The following RADIL variants were observed in gnomAD, a reference collection of about 807,000 sequenced individuals.
RADIL encodes ras-associating and dilute domain-containing protein.
Under a neutral mutation model 97.6 loss-of-function variants are expected in RADIL, and 99 were observed. The observed-to-expected ratio is 1.01, with a 90% CI of 0.86 to 1.20. The LOEUF is 1.20. Among genes scored for constraint, RADIL ranks in the 50% most tolerant of loss-of-function variants. RADIL has a pLI of 0.00. For missense variants in RADIL, 1,765 were observed against 1,498.9 expected (o/e 1.18, Z -2.93); for synonymous variants, 803 against 691.8 (o/e 1.16, Z -2.52).
chr7:4,813,167 G>C lies in RADIL; in HGVS notation c.2139+2111C>G, dbSNP rs1269174061. Among the ~76,000 whole-genome samples the C allele has an allele frequency of 6.6e-6, 1 of 151,616 alleles. No homozygotes were observed. Among genetic ancestry groups the C allele is most frequent in the Non-Finnish European group, 1.5e-5 (1 of 67,914 alleles). On this transcript the variant is annotated intron_variant, in intron 9 of 14. Coordinates refer to ENST00000399583, the MANE Select transcript of RADIL (RefSeq NM_018059.5). The surrounding 1 kb of genome is among the most constrained non-coding windows in gnomAD (Gnocchi z 5.0). Reference sequence around the variant, plus strand: ...CTTCCTCTGTTGCCCAGGCTGGAGTGCAGTGGTGTGATCATGGCTCACTGA... The same window carrying C: ...CTTCCTCTGTTGCCCAGGCTGGAGTCCAGTGGTGTGATCATGGCTCACTGA...
intron 2 of RADIL, among the ~76,000 whole-genome samples, chr7:4,855,852 G>A (rs1783816510): frequency 6.6e-6 from 1 of 152,018 alleles, no homozygotes; most frequent in Non-Finnish European, 1.5e-5. Context: ...TTGGAGTGCA[G>A]TGGCCTGATC....
At chr7:4,809,657 T>TTTTATTTATTTA (rs35301644) in intron 9 of RADIL, 1 of 915,112 alleles carries the variant, frequency 1.1e-6, no homozygotes, top group Admixed American at 6.2e-5. Context: ...TTACATCTTA[T>TTTTATTTATTTA]TTTATTTATT....
At chr7:4,848,374 C>G (rs1783628239) in intron 2 of RADIL, among the ~76,000 whole-genome samples, 1 of 151,180 alleles carries the variant, frequency 6.6e-6, no homozygotes, top group South Asian at 2.1e-4. Context: ...AAAAACCCAG[C>G]AAAGACATTT....
chr7:4,848,835 G>A (rs767008798), intron 2 of RADIL, among the ~76,000 whole-genome samples: 2 of 152,080 alleles, frequency 1.3e-5, no homozygotes, highest in African/African-American at 2.4e-5. Flanking sequence ...AGTAGGATAC[G>A]TTTGTTAAAG....
At chr7:4,828,755 C>G (rs1783063444) in intron 5 of RADIL, among the ~76,000 whole-genome samples, 1 of 152,178 alleles carries the variant, frequency 6.6e-6, no homozygotes, top group Non-Finnish European at 1.5e-5. Context: ...GGAAAAGCCC[C>G]CCAGGCATGC....
rs1784251410 is a variant in RADIL, at chr7:4,871,410, A to C, written c.535+6195T>G. On this transcript the variant is annotated intron_variant, in intron 2 of 14. Transcript: ENST00000399583. ...CAGCGGCGCTTCCCGCGTGCACACAACAGTCCCTGCGGCCCGCACACCCCT... is the reference window on the plus strand; with the variant it reads ...CAGCGGCGCTTCCCGCGTGCACACACCAGTCCCTGCGGCCCGCACACCCCT... 5.3e-5 allele frequency among the ~76,000 whole-genome samples: 8 copies of C among 152,360 alleles called. No homozygotes were observed. In the South Asian group the frequency reaches 1.7e-3, roughly 32 times the overall value.
chr7:4,850,455 G>C (rs149355471), intron 2 of RADIL, among the ~76,000 whole-genome samples: 127 of 152,324 alleles, frequency 8.3e-4, no homozygotes, highest in African/African-American at 2.8e-3. Context: ...CTGACCTTGA[G>C]ATATGGAGGT....
rs895852745 is a variant in RADIL at position 4,834,621 on chromosome 7, G to A, written c.1402C>T (p.Arg468Cys). The A allele has an allele frequency of 6.0e-6, 8 of 1,340,096 alleles. No homozygotes were observed. Among genetic ancestry groups the A allele is most frequent in the Admixed American group, 6.1e-5 (2 of 32,904 alleles). 83.0% of individuals were successfully genotyped at this position (1,340,096 alleles called of 1,614,324 possible). Residue 468 changes from arginine to cysteine, a missense_variant, in exon 4 of 15, where the codon CGC becomes TGC. Coordinates refer to ENST00000399583, the MANE Select transcript of RADIL (RefSeq NM_018059.5). This position sits in a 1 kb window ranked among gnomAD's most constrained non-coding sequence, Gnocchi z 6.0. ...AGCACACTGACCCAGACAGTCTCGC[G>A]GATCAGCCTGGCTATCTTGAGCAGG... ...QLLLKIARLI[R>C]ETVWEKTKEL...
At chr7:4,844,504 T>G (rs377061908) in intron 2 of RADIL, among the ~76,000 whole-genome samples, 15 of 152,306 alleles carry the variant, frequency 9.8e-5, no homozygotes, top group East Asian at 3.9e-4. Context: ...ACAATGTGAT[T>G]GTGTATGTAG....
At chr7:4,833,440 A>C (rs1783203667) in intron 4 of RADIL, among the ~76,000 whole-genome samples, 1 of 152,020 alleles carries the variant, frequency 6.6e-6, no homozygotes, top group African/African-American at 2.4e-5. Context: ...CACGGAGGGG[A>C]CACGGGCACG....
Position 4,854,473 on chromosome 7 carries a change from C to T in RADIL, c.536-17868G>A, listed in dbSNP as rs187987716. The stretch of plus-strand genomic sequence containing the variant: ...CGTTGGGAGGCCGAGGCAGGCAGAT[C>T]ACCTGAGGTCAGGAGTTCAAGACCA... On this transcript the variant is annotated intron_variant, in intron 2 of 14. Coordinates refer to ENST00000399583, the MANE Select transcript of RADIL (RefSeq NM_018059.5). This position sits in a 1 kb window ranked among gnomAD's most constrained non-coding sequence, Gnocchi z 5.1. Among the ~76,000 whole-genome samples, 1,172 of 152,298 alleles carry T rather than the reference C, an allele frequency of 7.7e-3. 15 individuals carry two copies. Among genetic ancestry groups the T allele is most frequent in the African/African-American group, 0.027 (1,131 of 41,552 alleles).
rs1440712492 is a variant in RADIL at position 4,879,161 on chromosome 7, A to T, written c.-64-958T>A. On this transcript the variant is annotated intron_variant, in intron 1 of 14. Coordinates refer to ENST00000399583, the MANE Select transcript of RADIL (RefSeq NM_018059.5). This position sits in a 1 kb window ranked among gnomAD's most constrained non-coding sequence, Gnocchi z 4.1. ...CCGGAATGCAGGCGTCCCGCCCACC[A>T]CAGGCCGCGGGTGCCCGGCGCTCCA... is the stretch of plus-strand genomic sequence containing the variant. Among the ~76,000 whole-genome samples, 1 of 152,182 alleles carries T rather than the reference A, an allele frequency of 6.6e-6. No homozygotes were observed. The highest frequency in any genetic ancestry group is 1.5e-5 in the Non-Finnish European group (1 of 68,024).
intron 2 of RADIL, chr7:4,859,967 A>T (rs1783935087): frequency 1.2e-6 from 2 of 1,614,036 alleles, no homozygotes; most frequent in Non-Finnish European, 1.7e-6. Flanking sequence ...TGTTGAAGAA[A>T]CAACTCTGGC....
At chr7:4,860,945 T>C (rs1783974654) in intron 2 of RADIL, 1 of 1,614,242 alleles carries the variant, frequency 6.2e-7, no homozygotes, top group East Asian at 2.2e-5. Context: ...TTCAGGCTCC[T>C]TCAGTAACAC....
rs2115002370 is a variant in RADIL at position 4,835,309 on chromosome 7, TCA to T, written c.784-72_784-71del. ...CACGGGAAAAGCGTCCCGTGTCTAGTCACTGGTTGCTGAAGCAGCGTGGCTGG... is the reference window on the plus strand; with the variant it reads ...CACGGGAAAAGCGTCCCGTGTCTAGTCTGGTTGCTGAAGCAGCGTGGCTGG... On this transcript the variant is annotated intron_variant, in intron 3 of 14. Transcript: ENST00000399583. The surrounding 1 kb of genome is among the most constrained non-coding windows in gnomAD (Gnocchi z 5.8). 2 of 1,551,222 alleles carry T rather than the reference TCA, an allele frequency of 1.3e-6. No homozygotes were observed. The highest frequency in any genetic ancestry group is 2.3e-5 in the South Asian group (2 of 85,326).
intron 10 of RADIL, among the ~76,000 whole-genome samples, chr7:4,804,935 G>T (rs942178455): frequency 6.6e-6 from 1 of 151,150 alleles, no homozygotes; most frequent in Middle Eastern, 3.4e-3. Flanking sequence ...CTCTACTAAA[G>T]ATTCAAAAAT....
At chr7:4,861,850 C>T in intron 2 of RADIL, 4 of 1,351,118 alleles carry the variant, frequency 3.0e-6, no homozygotes, top group Non-Finnish European at 3.9e-6. Flanking sequence ...CCCCCACCAC[C>T]GCGACCTTCG....
chr7:4,805,183 G>A (rs150248176), intron 10 of RADIL: 3 of 235,952 alleles, frequency 1.3e-5, no homozygotes, highest in Non-Finnish European at 2.5e-5. Flanking sequence ...ATGTGTGTGT[G>A]CGTGTGCACA....
chr7:4,847,993 C>T (rs953900699), intron 2 of RADIL, among the ~76,000 whole-genome samples: 27 of 152,134 alleles, frequency 1.8e-4, no homozygotes, highest in African/African-American at 6.5e-4. Flanking sequence ...CTCAGGAGTT[C>T]GAGACCAGCC....
Sources: allele counts gnomAD v4.1 joint callset (sites outside exome capture counted in the v4.1 genomes callset), GRCh38; gene constraint gnomAD v4.1.1; non-coding constraint Gnocchi (gnomAD v3.1); transcripts MANE v1.5; gene names NCBI Gene and HGNC (gene_info 2026-07-23, HGNC 2026-07-21).